The following SGCD variants were observed in gnomAD, a reference collection of about 807,000 sequenced individuals.
SGCD encodes the protein delta-sarcoglycan.
Under a neutral mutation model 36.6 loss-of-function variants are expected in SGCD, and 18 were observed. The ratio of observed to expected loss-of-function variants is 0.49; its 90% CI spans 0.34 to 0.73. SGCD has a LOEUF of 0.73. Ranked by LOEUF, SGCD falls within the 30% of genes least tolerant of loss-of-function variation. The probability of loss-of-function intolerance (pLI) is 0.01; values close to 1 mark genes in which losing one functional copy is unlikely to be tolerated. For synonymous variants in SGCD, 133 were observed against 130.6 expected (o/e 1.02, Z -0.12); for missense variants, 387 against 346.7 (o/e 1.12, Z -0.92).
chr5:156,600,873 G>C (rs1334315849), intron 6 of SGCD, among the ~76,000 whole-genome samples: 1 of 152,130 alleles, frequency 6.6e-6, no homozygotes, highest in African/African-American at 2.4e-5. Flanking sequence ...TAACTGGAGA[G>C]AGATGGTATC....
chr5:156,722,560 G>A (rs2113783133), intron 7 of SGCD, among the ~76,000 whole-genome samples: 1 of 152,298 alleles, frequency 6.6e-6, no homozygotes, highest in South Asian at 2.1e-4. Flanking sequence ...GACTGTTCAA[G>A]CTCCCCTTAT....
intron 3 of SGCD, among the ~76,000 whole-genome samples, chr5:156,243,988 A>G (rs547857233): frequency 4.1e-4 from 62 of 152,312 alleles, no homozygotes; most frequent in African/African-American, 1.5e-3. Context: ...ACCTCTCCCT[A>G]AACTACTTAC....
intron 3 of SGCD, among the ~76,000 whole-genome samples, chr5:156,394,571 T>C (rs1771753436): frequency 6.6e-6 from 1 of 152,224 alleles, no homozygotes; most frequent in Non-Finnish European, 1.5e-5. Context: ...ATTTTCACTT[T>C]TGGGGGCTCC....
At chr5:156,063,420 CT>C (rs1304372908) in intron 1 of SGCD, among the ~76,000 whole-genome samples, 1 of 100,452 alleles carries the variant, frequency 1.0e-5, no homozygotes, top group Non-Finnish European at 2.0e-5. Context: ...AATGCGGGCT[CT>C]TTTTTGGTTC....
At chr5:156,575,331 C>T (rs1221214754) in intron 4 of SGCD, among the ~76,000 whole-genome samples, 16 of 152,212 alleles carry the variant, frequency 1.1e-4, no homozygotes, top group Admixed American at 1.0e-3. Flanking sequence ...GTCTCTCTCC[C>T]TATCTATGAA....
intron 6 of SGCD, among the ~76,000 whole-genome samples, chr5:156,595,680 C>T (rs998058109): frequency 3.9e-5 from 6 of 152,288 alleles, no homozygotes; most frequent in East Asian, 3.9e-4. Context: ...GACTGGCAGG[C>T]GTGCTTGACG....
intron 6 of SGCD, among the ~76,000 whole-genome samples, chr5:156,612,222 A>G (rs1761845875): frequency 6.6e-6 from 1 of 152,168 alleles, no homozygotes; most frequent in Non-Finnish European, 1.5e-5. Flanking sequence ...TAGCTTTTGA[A>G]GGGAGAGACA....
At chr5:156,087,482 T>C (rs1305460897) in intron 1 of SGCD, among the ~76,000 whole-genome samples, 1 of 151,676 alleles carries the variant, frequency 6.6e-6, no homozygotes, top group Non-Finnish European at 1.5e-5. Flanking sequence ...CTGCTAAAAA[T>C]ACAAAAAATT....
the SGCD span, among the ~76,000 whole-genome samples, chr5:155,763,742 CAACAATGTGA>C: frequency 1.3e-5 from 2 of 152,146 alleles, no homozygotes; most frequent in Non-Finnish European, 2.9e-5. Flanking sequence ...GTTGAAACAA[CAACAATGTGA>C]AGAACACAAT....
chr5:155,927,539 C>T (rs560182068), intron 1 of SGCD, among the ~76,000 whole-genome samples: 46 of 152,042 alleles, frequency 3.0e-4, no homozygotes, highest in Admixed American at 2.6e-3. Flanking sequence ...TGCATGCTAT[C>T]GAAAAATGGG....
At position 156,283,840 on chromosome 5, in the gene SGCD, A is replaced by C. The variant is rs116514213; in HGVS notation, c.-43-45694A>C. ...GAAGCAGTGTTCGACCTCAGAATAG[A>C]AGATTATGCTGAATATCTGTTTGAC... On this transcript the variant is annotated intron_variant, in intron 3 of 9. Coordinates refer to the SGCD transcript ENST00000517913. Among the ~76,000 whole-genome samples, 1,139 of 152,260 alleles carry C rather than the reference A, an allele frequency of 7.5e-3. 9 individuals carry two copies. Among genetic ancestry groups the C allele is most frequent in the African/African-American group, 0.027 (1,104 of 41,558 alleles).
chr5:156,734,438 T>TG (rs1213850097), intron 7 of SGCD, among the ~76,000 whole-genome samples: 3 of 152,252 alleles, frequency 2.0e-5, no homozygotes, highest in Non-Finnish European at 4.4e-5. Context: ...CTACCTAGGT[T>TG]GGGGAAGTTC....
At chr5:155,823,467 C>A in the SGCD span, among the ~76,000 whole-genome samples, 1 of 152,072 alleles carries the variant, frequency 6.6e-6, no homozygotes, top group Non-Finnish European at 1.5e-5. Flanking sequence ...TAGGAAAACA[C>A]CCTTAAGTAA....
chr5:155,844,679 C>T, the SGCD span, among the ~76,000 whole-genome samples: 2 of 152,080 alleles, frequency 1.3e-5, no homozygotes, highest in African/African-American at 2.4e-5. Context: ...CTGTCCTGCT[C>T]ATATTATAAA....
At chr5:156,735,942 G>A (rs952877194) in intron 7 of SGCD, among the ~76,000 whole-genome samples, 4 of 152,136 alleles carry the variant, frequency 2.6e-5, no homozygotes, top group African/African-American at 9.7e-5. Flanking sequence ...CTGGTGGAGT[G>A]GGTTTATGAA....
At chr5:156,562,819 A>G (rs1379563365) in intron 4 of SGCD, among the ~76,000 whole-genome samples, 1 of 151,052 alleles carries the variant, frequency 6.6e-6, no homozygotes, top group Admixed American at 6.6e-5. Flanking sequence ...ATATACATAT[A>G]ATAATTTATA....
chr5:155,759,782 T>C, the SGCD span, among the ~76,000 whole-genome samples: 7 of 152,334 alleles, frequency 4.6e-5, no homozygotes, highest in South Asian at 1.4e-3. Flanking sequence ...CAGGTCATCT[T>C]GTTTCAACTC....
At chr5:156,575,434 C>G (rs1224766618) in intron 4 of SGCD, among the ~76,000 whole-genome samples, 1 of 152,170 alleles carries the variant, frequency 6.6e-6, no homozygotes, top group Admixed American at 6.5e-5. Context: ...TGTAGTAGAA[C>G]AAGCGGAAAG....
At chr5:156,306,565 C>G (rs1233592118) in intron 3 of SGCD, among the ~76,000 whole-genome samples, 2 of 152,350 alleles carry the variant, frequency 1.3e-5, no homozygotes, top group East Asian at 1.9e-4. Flanking sequence ...TCACTGTATT[C>G]TGTCTCCCCC....
Sources: gnomAD v4.1 joint callset for allele counts (sites outside exome capture counted in the v4.1 genomes callset) on GRCh38, gnomAD v4.1.1 for gene constraint, MANE v1.5 for transcripts, NCBI Gene and HGNC (gene_info 2026-07-23, HGNC 2026-07-21) for gene names.